TECTA: variants seen among roughly 807,000 people sequenced by gnomAD.
TECTA encodes tectorin alpha.
A neutral mutation model predicts 216.8 loss-of-function variants in TECTA; 128 were observed. That is an observed-to-expected ratio of 0.59 (90% CI 0.51 to 0.68). The LOEUF is 0.68. TECTA is among the 30% of genes least tolerant of loss of function. The pLI is 0.00. For synonymous variants in TECTA, 1,089 were observed against 1,117.1 expected (o/e 0.97, Z 0.50); for missense variants, 2,551 against 2,786.2 (o/e 0.92, Z 1.90).
chr11:121,153,460 C>A (rs1244994811), intron 13 of TECTA, among the ~76,000 whole-genome samples: 1 of 152,226 alleles, frequency 6.6e-6, no homozygotes, highest in East Asian at 1.9e-4. Flanking sequence ...GGCTGTGAAT[C>A]TGATATTTGT....
At chr11:121,159,196 G>A (rs956317142) in intron 14 of TECTA, among the ~76,000 whole-genome samples, 1 of 152,194 alleles carries the variant, frequency 6.6e-6, no homozygotes, top group Non-Finnish European at 1.5e-5. Flanking sequence ...TATTTTGTGA[G>A]CTTAAAATGA....
chr11:121,141,025 G>A (rs897812575), intron 11 of TECTA: 5 of 152,144 alleles, frequency 3.3e-5, no homozygotes, highest in Non-Finnish European at 5.9e-5. Context: ...AAGAGGTGAG[G>A]GGACTCCTTG....
At chr11:121,181,671 G>A (rs977479128) in intron 20 of TECTA, among the ~76,000 whole-genome samples, 5 of 152,024 alleles carry the variant, frequency 3.3e-5, no homozygotes, top group South Asian at 2.1e-4. Context: ...GTTTCTCCAT[G>A]TTGGTCAAGC....
intron 16 of TECTA, 104 bp downstream of exon 16, chr11:121,162,474 C>A: frequency 7.3e-7 from 1 of 1,367,568 alleles, no homozygotes; most frequent in Non-Finnish European, 1.0e-6. Flanking sequence ...TCCAGATTTA[C>A]TCATAGATCT....
chr11:121,145,392 A>G (rs1196805127), intron 11 of TECTA, among the ~76,000 whole-genome samples, 163 bp from the exon 12 acceptor site: 2 of 152,220 alleles, frequency 1.3e-5, no homozygotes, highest in Admixed American at 6.5e-5. Context: ...TCAAATCTTA[A>G]TCATAATAGT....
At chr11:121,162,455 C>A in intron 16 of TECTA, 85 bp downstream of exon 16, 1 of 1,463,618 alleles carries the variant, frequency 6.8e-7, no homozygotes, top group Non-Finnish European at 9.3e-7. Flanking sequence ...CTAGGGATGA[C>A]TGGTCCTCTC....
intron 20 of TECTA, among the ~76,000 whole-genome samples, chr11:121,180,338 T>C (rs1947214133): frequency 6.6e-6 from 1 of 152,170 alleles, no homozygotes; most frequent in South Asian, 2.1e-4. Context: ...AGTTTTTGCT[T>C]GTCTGGGAAA....
At chr11:121,181,531 G>A (rs576443555) in intron 20 of TECTA, among the ~76,000 whole-genome samples, 11 of 151,980 alleles carry the variant, frequency 7.2e-5, no homozygotes, top group Admixed American at 2.6e-4. Context: ...GTGCAATGGC[G>A]CAATCTCAGT....
intron 11 of TECTA, among the ~76,000 whole-genome samples, chr11:121,142,696 C>T (rs1284808292): frequency 1.3e-5 from 2 of 152,080 alleles, no homozygotes. Context: ...TCAGAGTCTC[C>T]ATGGCCTGAT....
At position 121,168,906 on chromosome 11, in the gene TECTA, T is replaced by C; in HGVS notation, c.5980T>C (p.Tyr1994His). Residue 1994 changes from tyrosine (Y) to histidine (H), a missense_variant, in exon 20 of 24, where the codon TAT becomes CAT. Tyr to His is a moderately conservative substitution (Grantham distance 83, BLOSUM62 2). Around this residue, in one of 3 missense-constraint regions of TECTA, gnomAD observed 58 missense variants for 105.9 expected, o/e 0.55. Transcript: ENST00000392793. ...CCGAGATAGCAATGATAAGCTCCGA[T>C]ATTTCATCATTGAAGGAGGGTGAGT... ...PTRDSNDKLR[Y>H]FIIEGGCQNL... 6.2e-7 allele frequency: 1 copy of C among 1,614,156 alleles called. No individual in the cohort carries two copies. Among genetic ancestry groups the C allele is most frequent in the South Asian group, 1.1e-5 (1 of 91,080 alleles).
At chr11:121,162,476 C>G in intron 16 of TECTA, 106 bp downstream of exon 16, 3 of 1,360,026 alleles carry the variant, frequency 2.2e-6, no homozygotes, top group Non-Finnish European at 3.0e-6. Context: ...CAGATTTACT[C>G]ATAGATCTGC....
At chr11:121,183,982 T>G (rs756144242) in intron 20 of TECTA, among the ~76,000 whole-genome samples, 16 of 152,132 alleles carry the variant, frequency 1.1e-4, no homozygotes, top group Non-Finnish European at 2.2e-4. Context: ...AGAGACTTGG[T>G]CTCCCTGTGT....
chr11:121,187,955 A>G lies in TECTA; in HGVS notation c.6123A>G (p.Ala2041=), dbSNP rs957182776. 6.2e-7 allele frequency: 1 copy of G among 1,614,254 alleles called. No individual in the cohort carries two copies. Among genetic ancestry groups the G allele is most frequent in the Non-Finnish European group, 8.5e-7 (1 of 1,180,044 alleles). Residue 2041 remains alanine (A), a synonymous_variant, in exon 21 of 24, where the codon GCA becomes GCG. Transcript: ENST00000392793. The stretch of plus-strand genomic sequence containing the variant: ...ACGACGAAGTTCACCTTCACTGTGC[A>G]GTGTCACTCTGCGACTCAGAAAAGT... ...GDYDEVHLHC[A]VSLCDSEKYS... is the part of the protein sequence containing the mutation.
Position 121,130,069 on chromosome 11 carries a change from T to C in TECTA, c.2799T>C (p.Thr933=), listed in dbSNP as rs1353953427. The part of the protein sequence containing the change: ...FLECHGVVNV[T]AYYRTCLFRL... ...AGTGCCATGGGGTGGTGAACGTCAC[T>C]GCCTATTACCGCACCTGCCTTTTCC... Residue 933 remains threonine (T), a synonymous_variant, in exon 10 of 24, where the codon ACT becomes ACC. Coordinates refer to ENST00000392793, the MANE Select transcript of TECTA (RefSeq NM_005422.4). 1 of 1,614,146 alleles carries C rather than the reference T, an allele frequency of 6.2e-7. No homozygotes were observed. Among genetic ancestry groups the C allele is most frequent in the South Asian group, 1.1e-5 (1 of 91,080 alleles).
chr11:121,125,241 T>A, intron 7 of TECTA, 61 bp from the exon 8 acceptor site: 2 of 1,546,692 alleles, frequency 1.3e-6, no homozygotes, highest in Non-Finnish European at 8.8e-7. Context: ...TCCTGATCTC[T>A]GCTGGAACCC....
At chr11:121,183,429 C>G (rs1019751841) in intron 20 of TECTA, among the ~76,000 whole-genome samples, 2 of 152,316 alleles carry the variant, frequency 1.3e-5, no homozygotes, top group African/African-American at 4.8e-5. Context: ...CCATGGCTAG[C>G]ATTACGAAAG....
At chr11:121,180,056 G>A (rs1947211082) in intron 20 of TECTA, among the ~76,000 whole-genome samples, 1 of 145,616 alleles carries the variant, frequency 6.9e-6, no homozygotes, top group Non-Finnish European at 1.5e-5. Context: ...GGTTATTATT[G>A]ATAAGTGAGA....
intron 16 of TECTA, among the ~76,000 whole-genome samples, chr11:121,164,553 G>A (rs1410630944): frequency 2.0e-5 from 3 of 152,130 alleles, no homozygotes; most frequent in Non-Finnish European, 4.4e-5. Context: ...CAGAAATATT[G>A]TTCATAATAA....
In TECTA at chr11:121,129,746, C is replaced by T. The variant is rs1310230146; in HGVS notation, c.2476C>T (p.Gln826Ter). The change falls in exon 10 of 24, where the codon CAG (glutamine) becomes TAG (stop). Residue 826 changes from glutamine to a stop codon, truncating the protein, a stop_gained. Transcript: ENST00000392793. LOFTEE classifies it high-confidence loss of function. ...GGAGTCCAAGGGCGTGGTGACTGTC[C>T]AGTACTCAGACATAGGTCTATTGTA... Reference protein sequence around the residue: ...TVESKGVVTVQYSDIGLLYIR... With the variant: ...TVESKGVVTV 2 of 1,614,192 alleles carry T rather than the reference C, an allele frequency of 1.2e-6. No homozygotes were observed. Among genetic ancestry groups the T allele is most frequent in the Non-Finnish European group, 1.7e-6 (2 of 1,180,032 alleles).
Sources: allele counts gnomAD v4.1 joint callset (sites outside exome capture counted in the v4.1 genomes callset), GRCh38; gene constraint gnomAD v4.1.1; regional missense constraint gnomAD v4.1.1; transcripts MANE v1.5; gene names NCBI Gene and HGNC (gene_info 2026-07-23, HGNC 2026-07-21).